The following C1GALT1 variants were observed in gnomAD, a reference collection of about 807,000 sequenced individuals.
C1GALT1 encodes core 1 synthase, glycoprotein-N-acetylgalactosamine 3-beta-galactosyltransferase 1, also known as glycoprotein-N-acetylgalactosamine 3-beta-galactosyltransferase 1.
A neutral mutation model predicts 31.0 loss-of-function variants in C1GALT1; 11 were observed. The observed-to-expected ratio is 0.36, with a 90% CI of 0.22 to 0.59. The LOEUF (loss-of-function observed/expected upper bound fraction) is 0.59. Among genes scored for constraint, C1GALT1 ranks in the 20% least tolerant of loss-of-function variants. The pLI is 0.79. For missense variants in C1GALT1, 424 were observed against 425.2 expected, an observed-to-expected ratio of 1.00 and a Z score of 0.03; for synonymous variants, 175 against 143.6, an observed-to-expected ratio of 1.22 and a Z score of -1.56.
intron 1 of C1GALT1, among the ~76,000 whole-genome samples, chr7:7,192,575 A>T (rs1294576700): frequency 1.3e-5 from 2 of 152,094 alleles, no homozygotes; most frequent in East Asian, 3.9e-4. Context: ...ATTTGGGTTG[A>T]TTCCATATTT....
intron 1 of C1GALT1, among the ~76,000 whole-genome samples, chr7:7,225,159 GCT>G (rs570672633): frequency 1.5e-4 from 23 of 152,094 alleles, no homozygotes; most frequent in Middle Eastern, 3.4e-3. Context: ...GGTTTATTGT[GCT>G]CTTTTTGTTG....
At chr7:7,173,214 G>A (rs1283951550) in intron 2 of C1GALT1, among the ~76,000 whole-genome samples, 1 of 151,954 alleles carries the variant, frequency 6.6e-6, no homozygotes, top group East Asian at 1.9e-4. Context: ...TGGTTCACAT[G>A]AGATCTGGTC....
chr7:7,164,161 C>T (rs980077511), intron 2 of C1GALT1, among the ~76,000 whole-genome samples: 4 of 152,140 alleles, frequency 2.6e-5, no homozygotes, highest in East Asian at 1.9e-4. Context: ...GAAATAACAC[C>T]GTATATCTAC....
intron 1 of C1GALT1, among the ~76,000 whole-genome samples, chr7:7,203,520 ACT>A (rs1451168591): frequency 2.0e-5 from 3 of 152,044 alleles, no homozygotes; most frequent in Non-Finnish European, 4.4e-5. Flanking sequence ...CATATGTACA[ACT>A]ATCCTTGCAT....
At chr7:7,229,292 A>G (rs1422637794) in intron 1 of C1GALT1, among the ~76,000 whole-genome samples, 2 of 152,224 alleles carry the variant, frequency 1.3e-5, no homozygotes, top group Non-Finnish European at 2.9e-5. Context: ...AACCAAGATC[A>G]GTGTGCTGTA....
chr7:7,222,793 A>C (rs1203612655), intron 1 of C1GALT1, among the ~76,000 whole-genome samples: 1 of 152,214 alleles, frequency 6.6e-6, no homozygotes, highest in Non-Finnish European at 1.5e-5. Context: ...AAATGAGATG[A>C]CTTTATGTCT....
At chr7:7,239,224 C>G (rs1783512199) in intron 3 of C1GALT1, among the ~76,000 whole-genome samples, 1 of 152,160 alleles carries the variant, frequency 6.6e-6, no homozygotes, top group Non-Finnish European at 1.5e-5. Flanking sequence ...ATACAGTAAA[C>G]AGGCAGACTT....
intron 1 of C1GALT1, among the ~76,000 whole-genome samples, chr7:7,228,764 C>T (rs1275326294): frequency 6.6e-6 from 1 of 152,166 alleles, no homozygotes; most frequent in East Asian, 1.9e-4. Context: ...AGGCATCAGA[C>T]AGCATCACAA....
At chr7:7,174,669 C>A (rs975983648) in intron 2 of C1GALT1, among the ~76,000 whole-genome samples, 12 of 152,106 alleles carry the variant, frequency 7.9e-5, no homozygotes, top group African/African-American at 2.9e-4. Flanking sequence ...GCTCCTCAGC[C>A]TCAGTAATTT....
chr7:7,213,046 A>G (rs936061327), intron 1 of C1GALT1, among the ~76,000 whole-genome samples: 2 of 152,236 alleles, frequency 1.3e-5, no homozygotes, highest in African/African-American at 4.8e-5. Context: ...TATTCCAAGC[A>G]AAAGTTAAAA....
At chr7:7,202,215 A>G (rs1781556420) in intron 1 of C1GALT1, among the ~76,000 whole-genome samples, 1 of 152,156 alleles carries the variant, frequency 6.6e-6, no homozygotes, top group African/African-American at 2.4e-5. Context: ...CAGCAGCTGT[A>G]AACTGCTTCC....
intron 3 of C1GALT1, among the ~76,000 whole-genome samples, chr7:7,242,042 C>CT (rs1182379789): frequency 2.6e-5 from 4 of 151,934 alleles, no homozygotes; most frequent in African/African-American, 9.7e-5. Flanking sequence ...ATAGTAGCCA[C>CT]TAAGTATGTG....
At chr7:7,164,061 A>G (rs1298848658) in intron 2 of C1GALT1, among the ~76,000 whole-genome samples, 2 of 152,200 alleles carry the variant, frequency 1.3e-5, no homozygotes, top group Non-Finnish European at 2.9e-5. Flanking sequence ...ACCTGACTTC[A>G]AACTATACTA....
intron 1 of C1GALT1, among the ~76,000 whole-genome samples, chr7:7,189,730 A>T (rs565977218): frequency 8.5e-5 from 13 of 152,306 alleles, no homozygotes; most frequent in African/African-American, 2.9e-4. Context: ...TAATAGTCAC[A>T]GCTTCTGAGT....
intron 1 of C1GALT1, among the ~76,000 whole-genome samples, chr7:7,223,653 A>G (rs1782615662): frequency 6.6e-6 from 1 of 152,024 alleles, no homozygotes; most frequent in African/African-American, 2.4e-5. Context: ...TTTTCTTTTC[A>G]CAAAATCCTT....
chr7:7,206,955 A>G (rs1781765050), intron 1 of C1GALT1, among the ~76,000 whole-genome samples: 1 of 152,042 alleles, frequency 6.6e-6, no homozygotes, highest in Non-Finnish European at 1.5e-5. Context: ...AAGTCATTCT[A>G]CTTGGAGTCT....
chr7:7,217,948 G>C (rs1459254220), intron 1 of C1GALT1, among the ~76,000 whole-genome samples: 2 of 152,298 alleles, frequency 1.3e-5, no homozygotes, highest in African/African-American at 4.8e-5. Flanking sequence ...CTTGCAAGCT[G>C]AGCGGTATGT....
At position 7,206,712 on chromosome 7, in the gene C1GALT1, G is replaced by C. The variant is rs148312793; in HGVS notation, c.-18+23892G>C. On this transcript the variant is annotated intron_variant, in intron 1 of 3. Transcript: ENST00000436587. Reference sequence around the variant, plus strand: ...AAAAGAAGAGAATGTCTCAGCTTTTGTTTTAAAGGACGGTTTTTGTGGATG... The same window carrying C: ...AAAAGAAGAGAATGTCTCAGCTTTTCTTTTAAAGGACGGTTTTTGTGGATG... Among the ~76,000 whole-genome samples, 341 of 148,910 alleles carry C rather than the reference G, an allele frequency of 2.3e-3. 3 individuals carry two copies. Among genetic ancestry groups the C allele is most frequent in the African/African-American group, 8.1e-3 (331 of 40,822 alleles).
intron 1 of C1GALT1, among the ~76,000 whole-genome samples, chr7:7,188,195 G>A (rs543633293): frequency 1.8e-4 from 28 of 152,294 alleles, no homozygotes; most frequent in African/African-American, 5.1e-4. Flanking sequence ...GAAGATAAGG[G>A]AAGCATTAAG....
Sources: allele counts gnomAD v4.1 joint callset (sites outside exome capture counted in the v4.1 genomes callset), GRCh38; gene constraint gnomAD v4.1.1; transcripts MANE v1.5; gene names NCBI Gene and HGNC (gene_info 2026-07-23, HGNC 2026-07-21).